Variants in PRKDC observed in about 807,000 individuals in gnomAD.
PRKDC encodes protein kinase, DNA-activated, catalytic subunit.
Under a neutral mutation model 486.9 loss-of-function variants are expected in PRKDC, and 82 were observed. The observed-to-expected ratio is 0.17, with a 90% CI of 0.14 to 0.20. The LOEUF is 0.20. Ranked by LOEUF, PRKDC falls within the 10% of genes least tolerant of loss-of-function variation. The pLI is 1.00. For synonymous variants in PRKDC, 1,895 were observed against 1,837.0 expected, an observed-to-expected ratio of 1.03 and a Z score of -0.81; for missense variants, 4,504 against 5,038.2, an observed-to-expected ratio of 0.89 and a Z score of 3.21.
rs1392341866 is a variant in PRKDC at position 47,855,258 on chromosome 8, A to G, written c.6725T>C (p.Val2242Ala). The G allele has an allele frequency of 1.2e-6, 2 of 1,605,076 alleles. No individual in the cohort carries two copies. The highest frequency in any genetic ancestry group is 2.7e-5 in the African/African-American group (2 of 74,818). The change falls in exon 50 of 86, where the codon GTC becomes GCC. Residue 2242 changes from valine to alanine, a missense_variant. Transcript: ENST00000314191. ...RHNLEIIKTL[V>A]ECWKDCLSIP... Reference sequence around the variant, plus strand: ...GGATAAACAATCCTTCCAGCACTCGACAAGGGTCTTTATAATTTCAAGGTT... The same window carrying G: ...GGATAAACAATCCTTCCAGCACTCGGCAAGGGTCTTTATAATTTCAAGGTT...
Position 47,801,468 on chromosome 8 carries a change from T to C in PRKDC, c.9923-482A>G, listed in dbSNP as rs563759046. 8.1e-4 allele frequency among the ~76,000 whole-genome samples: 123 copies of C among 152,356 alleles called. 2 individuals are homozygous for C. The South Asian group carries it at 0.01, about 13-fold the overall frequency. ...GACTAGGGAATTTCTTGAACTCACA[T>C]ATTAATGAAAAATGTTCTTTGTTAG... On this transcript the variant is annotated intron_variant, in intron 70 of 85. Coordinates refer to ENST00000314191, the MANE Select transcript of PRKDC (RefSeq NM_006904.7).
chr8:47,909,422 T>C (rs1296751957), intron 25 of PRKDC, among the ~76,000 whole-genome samples: 2 of 152,240 alleles, frequency 1.3e-5, no homozygotes, highest in Non-Finnish European at 2.9e-5. Context: ...TCCTGTTATC[T>C]TCGTAAGCTG....
At chr8:47,836,235 T>C in intron 58 of PRKDC, 103 bp downstream of exon 58, 1 of 1,178,346 alleles carries the variant, frequency 8.5e-7, no homozygotes, top group Non-Finnish European at 1.1e-6. Flanking sequence ...CTTTTTGCTA[T>C]TATCCCTTAC....
intron 85 of PRKDC, 48 bp downstream of exon 85, chr8:47,776,796 G>A (rs1371469664): frequency 8.1e-6 from 13 of 1,605,668 alleles, no homozygotes; most frequent in Non-Finnish European, 1.7e-6. Context: ...TCGAGAAACA[G>A]TAGCATGTCG....
At chr8:47,792,426 T>C (rs749504473) in intron 74 of PRKDC, among the ~76,000 whole-genome samples, 34 of 151,834 alleles carry the variant, frequency 2.2e-4, no homozygotes, top group Non-Finnish European at 4.6e-4. Flanking sequence ...GCCCGGCTAA[T>C]TTTTTGTATT....
chr8:47,861,162 T>A (rs1267018166), intron 44 of PRKDC, among the ~76,000 whole-genome samples, 191 bp from the exon 45 acceptor site: 1 of 152,174 alleles, frequency 6.6e-6, no homozygotes, highest in Non-Finnish European at 1.5e-5. Flanking sequence ...TCCTGCAGAT[T>A]CCCACAGAAC....
chr8:47,936,155 G>A (rs2090347605), intron 12 of PRKDC, among the ~76,000 whole-genome samples, 198 bp downstream of exon 12: 2 of 152,156 alleles, frequency 1.3e-5, no homozygotes, highest in South Asian at 2.1e-4. Context: ...GATGGAAGGA[G>A]AAACAAATAT....
chr8:47,825,248 G>A (rs1248435003), intron 63 of PRKDC, among the ~76,000 whole-genome samples: 1 of 152,084 alleles, frequency 6.6e-6, no homozygotes, highest in Non-Finnish European at 1.5e-5. Flanking sequence ...TCAAAAAAAA[G>A]GCTAAGGCCG....
Position 47,789,464 on chromosome 8 carries a change from G to A in PRKDC, c.10671-226C>T, listed in dbSNP as rs535195102. Among the ~76,000 whole-genome samples the A allele has an allele frequency of 1.5e-3, 223 of 151,846 alleles. 3 individuals carry two copies. In the South Asian group the frequency reaches 0.046, roughly 31 times the overall value. On this transcript the variant is annotated intron_variant, in intron 74 of 85. Transcript: ENST00000314191. ...AAGCAAGAAGCATCTATTCTATCAAGAGATGAGGTTCTTAAAAAAGAATTA... is the reference window on the plus strand; with the variant it reads ...AAGCAAGAAGCATCTATTCTATCAAAAGATGAGGTTCTTAAAAAAGAATTA...
intron 54 of PRKDC, among the ~76,000 whole-genome samples, chr8:47,846,319 G>A (rs2088262106): frequency 6.6e-6 from 1 of 151,798 alleles, no homozygotes; most frequent in Non-Finnish European, 1.5e-5. Flanking sequence ...AGGAGGCTGA[G>A]GCAGGAGAAT....
chr8:47,827,005 C>T (rs1316211484), intron 62 of PRKDC, 144 bp from the exon 63 acceptor site: 11 of 751,282 alleles, frequency 1.5e-5, no homozygotes, highest in Non-Finnish European at 6.0e-6. Flanking sequence ...ATGCTATTAA[C>T]ACATTTTCCA....
chr8:47,789,585 A>T (rs1013650994), intron 74 of PRKDC, among the ~76,000 whole-genome samples: 1 of 152,146 alleles, frequency 6.6e-6, no homozygotes, highest in Non-Finnish European at 1.5e-5. Flanking sequence ...TACCAAAACC[A>T]GGTAAAGACG....
chr8:47,852,583 C>A, intron 52 of PRKDC, 90 bp downstream of exon 52: 1 of 734,574 alleles, frequency 1.4e-6, no homozygotes, highest in Non-Finnish European at 2.1e-6. Context: ...TTTCTAATAC[C>A]ATACAAGAAA....
intron 26 of PRKDC, among the ~76,000 whole-genome samples, chr8:47,903,962 A>G (rs1358732320): frequency 6.6e-6 from 1 of 152,214 alleles, no homozygotes; most frequent in Non-Finnish European, 1.5e-5. Flanking sequence ...CCCTACCCGT[A>G]ACATGACTAA....
intron 40 of PRKDC, among the ~76,000 whole-genome samples, chr8:47,867,623 G>C (rs979455203): frequency 1.3e-5 from 2 of 152,066 alleles, no homozygotes; most frequent in African/African-American, 4.8e-5. Flanking sequence ...AGTAATTATA[G>C]ACTATCACTG....
intron 7 of PRKDC, among the ~76,000 whole-genome samples, chr8:47,952,086 C>G (rs1453587593): frequency 6.6e-6 from 1 of 152,158 alleles, no homozygotes; most frequent in African/African-American, 2.4e-5. Context: ...ACTAAGGTTA[C>G]CATACAACCC....
chr8:47,929,323 G>C (rs2090210492), intron 18 of PRKDC, 145 bp from the exon 19 acceptor site: 1 of 656,404 alleles, frequency 1.5e-6, no homozygotes, highest in South Asian at 1.8e-5. Flanking sequence ...AATCAGCTCT[G>C]CAGACATTTC....
Position 47,953,830 on chromosome 8 carries a change from A to G in PRKDC, c.598T>C (p.Phe200Leu), listed in dbSNP as rs745885028. 3 of 1,572,068 alleles carry G rather than the reference A, an allele frequency of 1.9e-6. No individual in the cohort carries two copies. Among genetic ancestry groups the G allele is most frequent in the African/African-American group, 1.3e-5 (1 of 74,250 alleles). ...ACCTGGGTCTTAAGTTCACCCAGAA[A>G]AGCGCGGAACAGGTTTTCTGCATTA... ...INNAENLFRAFLGELKTQMTS... is the reference protein window; with the variant it reads ...INNAENLFRALLGELKTQMTS... The change falls in exon 6 of 86, where the codon TTT becomes CTT. Residue 200 changes from phenylalanine (F) to leucine (L), a missense_variant. Physicochemically the swap from Phe to Leu is conservative, Grantham distance 22. Coordinates refer to ENST00000314191, the MANE Select transcript of PRKDC (RefSeq NM_006904.7).
At position 47,864,740 on chromosome 8, in the gene PRKDC, C is replaced by T. The variant is rs772771129; in HGVS notation, c.5387G>A (p.Gly1796Asp). 5 of 1,597,658 alleles carry T rather than the reference C, an allele frequency of 3.1e-6. No homozygotes were observed. Among genetic ancestry groups the T allele is most frequent in the Non-Finnish European group, 4.3e-6 (5 of 1,170,714 alleles). Reference protein sequence around the residue: ...ARRGSCVTQVGLLESVYEMFR... With the variant: ...ARRGSCVTQVDLLESVYEMFR... ...CATTTCATACACGCTTTCCAGAAGGCCTACTTGTGTGACACATGAACCCCT... is the reference window on the plus strand; with the variant it reads ...CATTTCATACACGCTTTCCAGAAGGTCTACTTGTGTGACACATGAACCCCT... Residue 1796 changes from glycine (G) to aspartate (D), a missense_variant, in exon 41 of 86, where the codon GGC becomes GAC. Coordinates refer to ENST00000314191, the MANE Select transcript of PRKDC (RefSeq NM_006904.7).
Sources: allele counts gnomAD v4.1 joint callset (sites outside exome capture counted in the v4.1 genomes callset), GRCh38; gene constraint gnomAD v4.1.1; transcripts MANE v1.5; gene names NCBI Gene and HGNC (gene_info 2026-07-23, HGNC 2026-07-21).